The following ENPP5 variants were observed in gnomAD, a reference collection of about 807,000 sequenced individuals.
ENPP5 encodes the protein E-NPP 5.
In ENPP5, 27 loss-of-function variants were observed where a neutral mutation model predicts 33.7. That is an observed-to-expected ratio of 0.80 (90% CI 0.59 to 1.11). The LOEUF (loss-of-function observed/expected upper bound fraction) is 1.11, where lower values mean the gene tolerates loss of function less well. ENPP5 is among the 50% of genes least tolerant of loss of function. The probability of loss-of-function intolerance (pLI) is 0.00; values close to 1 mark genes in which losing one functional copy is unlikely to be tolerated. For synonymous variants in ENPP5, 199 were observed against 200.5 expected (o/e 0.99, Z 0.06); for missense variants, 552 against 579.2 (o/e 0.95, Z 0.48).
At chr6:46,168,833 T>G (rs1166365295) in intron 2 of ENPP5, among the ~76,000 whole-genome samples, 2 of 152,062 alleles carry the variant, frequency 1.3e-5, no homozygotes, top group African/African-American at 4.8e-5. Flanking sequence ...AGACAAAAGA[T>G]GTATTACTAA....
At chr6:46,169,031 T>C (rs1009339781) in intron 2 of ENPP5, among the ~76,000 whole-genome samples, 23 of 152,230 alleles carry the variant, frequency 1.5e-4, no homozygotes, top group African/African-American at 5.1e-4. Context: ...TTGTTGACTT[T>C]CCTAATGTTA....
chr6:46,167,239 G>GA (rs1157066372), intron 3 of ENPP5, among the ~76,000 whole-genome samples, 195 bp downstream of exon 3: 2 of 151,488 alleles, frequency 1.3e-5, no homozygotes, highest in African/African-American at 2.4e-5. Context: ...AGTATTCTAG[G>GA]AAAAAGGAAA....
chr6:46,161,259 A>C lies in ENPP5; in HGVS notation c.*67T>G. 1 of 1,401,364 alleles carries C rather than the reference A, an allele frequency of 7.1e-7. No individual in the cohort carries two copies. Among genetic ancestry groups the C allele is most frequent in the Non-Finnish European group, 9.7e-7 (1 of 1,029,708 alleles). 86.8% of individuals were successfully genotyped at this position (1,401,364 alleles called of 1,614,324 possible). A position where few individuals can be genotyped will look rare whatever the true frequency, so the allele number is the denominator to read the frequency against. The stretch of plus-strand genomic sequence containing the variant: ...TTTGGAACTGGTTTCCCAGAATTTG[A>C]AACCTTTAAACACTGACATAATTAT... On this transcript the variant is annotated 3_prime_UTR_variant, in exon 5 of 5. Transcript: ENST00000371383.
Sources: allele counts gnomAD v4.1 joint callset (sites outside exome capture counted in the v4.1 genomes callset), GRCh38; gene constraint gnomAD v4.1.1; transcripts MANE v1.5; gene names NCBI Gene and HGNC (gene_info 2026-07-23, HGNC 2026-07-21).